LHPP: variants seen among roughly 807,000 people sequenced by gnomAD.
LHPP encodes hLHPP.
In LHPP, 24 loss-of-function variants were observed where a neutral mutation model predicts 30.3. The observed-to-expected ratio is 0.79, with a 90% CI of 0.57 to 1.11. The LOEUF is 1.11. Among genes scored for constraint, LHPP ranks in the 50% most tolerant of loss-of-function variants. The probability of loss-of-function intolerance (pLI) is 0.00; values close to 1 mark genes in which losing one functional copy is unlikely to be tolerated. For missense variants in LHPP, 356 were observed against 367.2 expected (o/e 0.97, Z 0.25); for synonymous variants, 150 against 157.1 (o/e 0.95, Z 0.34).
chr10:124,599,496 G>A (rs770005002), intron 6 of LHPP, among the ~76,000 whole-genome samples: 2 of 152,190 alleles, frequency 1.3e-5, no homozygotes, highest in Non-Finnish European at 2.9e-5. Flanking sequence ...TGCCAGTCCC[G>A]CCTCCAGGCT....
chr10:124,602,103 C>T (rs1949030857), intron 6 of LHPP, among the ~76,000 whole-genome samples: 1 of 152,232 alleles, frequency 6.6e-6, no homozygotes, highest in African/African-American at 2.4e-5. Context: ...ACCAGCCCAC[C>T]AGAGACACCC....
intron 6 of LHPP, among the ~76,000 whole-genome samples, chr10:124,560,039 G>C (rs1027449907): frequency 2.0e-5 from 3 of 152,248 alleles, no homozygotes; most frequent in Admixed American, 6.5e-5. Context: ...CTGGTTTGTA[G>C]CCTGTACCAG....
intron 6 of LHPP, among the ~76,000 whole-genome samples, chr10:124,559,284 T>G (rs1948353833): frequency 6.6e-6 from 1 of 152,270 alleles, no homozygotes. Flanking sequence ...TTAGGAATGT[T>G]TGCTGAGTTG....
intron 6 of LHPP, among the ~76,000 whole-genome samples, chr10:124,533,378 T>A (rs1257888787): frequency 6.6e-6 from 1 of 152,166 alleles, no homozygotes. Context: ...GGGGGTTGGA[T>A]GGACCATGTC....
chr10:124,595,478 G>A lies in LHPP; in HGVS notation c.717-17786G>A, dbSNP rs372251843. On this transcript the variant is annotated intron_variant, in intron 6 of 6. Transcript: ENST00000368842. ...TTGGCTGCCATAGAAGGCCATTCAC[G>A]TCCCTCACACCCTGGCCTGTGCTGC... Among the ~76,000 whole-genome samples the A allele has an allele frequency of 2.9e-3, 435 of 152,342 alleles. 3 individuals are homozygous for A. Among genetic ancestry groups the A allele is most frequent in the African/African-American group, 1.0e-2 (415 of 41,588 alleles).
intron 6 of LHPP, among the ~76,000 whole-genome samples, chr10:124,546,521 C>G (rs11245280): frequency 0.064 from 9,686 of 152,182 alleles, 407 homozygotes; most frequent in East Asian, 0.19. Context: ...TCCTGCCTCA[C>G]CCTCCCGAGT....
chr10:124,471,473 TA>T (rs1345370181), intron 1 of LHPP, among the ~76,000 whole-genome samples: 2 of 1,930 alleles, frequency 1.0e-3, no homozygotes, highest in South Asian at 5.3e-3. Flanking sequence ...ATTTATATAT[TA>T]TATATATTTA....
Position 124,510,074 on chromosome 10 carries a change from C to T in LHPP, c.625-7106C>T, listed in dbSNP as rs748580095. Among the ~76,000 whole-genome samples, 2 of 152,058 alleles carry T rather than the reference C, an allele frequency of 1.3e-5. No individual in the cohort carries two copies. The highest frequency in any genetic ancestry group is 2.9e-5 in the Non-Finnish European group (2 of 68,012). On this transcript the variant is annotated intron_variant, in intron 5 of 6. Transcript: ENST00000368842. The surrounding 1 kb of genome is among the most constrained non-coding windows in gnomAD (Gnocchi z 4.0). ...GGCGCCTCCATCCGGCTCTCTGGATCCTGGGTTCTGGGGGGTCCGACCTTT... is the reference window on the plus strand; with the variant it reads ...GGCGCCTCCATCCGGCTCTCTGGATTCTGGGTTCTGGGGGGTCCGACCTTT...
At chr10:124,603,176 C>T (rs1017770548) in intron 6 of LHPP, among the ~76,000 whole-genome samples, 3 of 152,204 alleles carry the variant, frequency 2.0e-5, no homozygotes, top group Admixed American at 2.0e-4. Flanking sequence ...TGCGCTCATG[C>T]CCAGCCTCTG....
At chr10:124,469,610 GCACA>G (rs1035748477) in intron 1 of LHPP, among the ~76,000 whole-genome samples, 2 of 151,918 alleles carry the variant, frequency 1.3e-5, no homozygotes, top group African/African-American at 4.8e-5. Context: ...AAAGATGCAT[GCACA>G]CACACACATT....
intron 6 of LHPP, among the ~76,000 whole-genome samples, chr10:124,550,770 G>A (rs931817124): frequency 6.6e-6 from 1 of 152,200 alleles, no homozygotes; most frequent in African/African-American, 2.4e-5. Context: ...CTGGGGGCAG[G>A]GAAGCCAGGG....
chr10:124,512,218 C>T (rs995235759), intron 5 of LHPP, among the ~76,000 whole-genome samples: 11 of 152,214 alleles, frequency 7.2e-5, no homozygotes, highest in Admixed American at 2.0e-4. Context: ...GCAAAGGTAT[C>T]AAGTAACCAG....
At chr10:124,502,486 TC>T (rs1953933440) in intron 5 of LHPP, among the ~76,000 whole-genome samples, 1 of 151,412 alleles carries the variant, frequency 6.6e-6, no homozygotes, top group Non-Finnish European at 1.5e-5. Flanking sequence ...TGCCTCAGCC[TC>T]CCAAGTAGCT....
intron 6 of LHPP, among the ~76,000 whole-genome samples, chr10:124,599,536 T>C (rs1488748630): frequency 6.6e-6 from 1 of 152,154 alleles, no homozygotes; most frequent in Non-Finnish European, 1.5e-5. Flanking sequence ...GGTTCCGTAC[T>C]CCCTGCCAGG....
rs117503245 is a variant in LHPP, at chr10:124,518,235, C to T, written c.716+964C>T. Among the ~76,000 whole-genome samples, 1,204 of 152,308 alleles carry T rather than the reference C, an allele frequency of 7.9e-3. 56 individuals are homozygous for T. The East Asian group carries it at 0.13, about 17-fold the overall frequency. The stretch of plus-strand genomic sequence containing the variant: ...CCAGACCCTCCCAGGCTTCCCCCGA[C>T]GTGTATGACATATGGGCCTTCTTTC... On this transcript the variant is annotated intron_variant, in intron 6 of 6. Coordinates refer to ENST00000368842, the MANE Select transcript of LHPP (RefSeq NM_022126.4).
chr10:124,480,397 T>C (rs1186822374), intron 1 of LHPP, among the ~76,000 whole-genome samples: 1 of 152,240 alleles, frequency 6.6e-6, no homozygotes, highest in Non-Finnish European at 1.5e-5. Flanking sequence ...AGTCCCAAAG[T>C]GAGTTCTGTG....
At chr10:124,569,962 C>T (rs1046972141) in intron 6 of LHPP, among the ~76,000 whole-genome samples, 3 of 152,164 alleles carry the variant, frequency 2.0e-5, no homozygotes, top group East Asian at 1.9e-4. Context: ...CCCAGTCAGA[C>T]CCCCCGACCC....
At chr10:124,581,970 G>A (rs1295964317) in intron 6 of LHPP, among the ~76,000 whole-genome samples, 1 of 152,040 alleles carries the variant, frequency 6.6e-6, no homozygotes, top group Admixed American at 6.5e-5. Flanking sequence ...TTTTAGTAGA[G>A]ATGGGGTTTC....
chr10:124,517,550 C>T lies in LHPP; in HGVS notation c.716+279C>T, dbSNP rs912732039. ...GCAAAGGCACTATCCATCCTGGCGG[C>T]GGCCCACCAGGGAGTTGGGCCGAAT... On this transcript the variant is annotated intron_variant, in intron 6 of 6. Coordinates refer to ENST00000368842, the MANE Select transcript of LHPP (RefSeq NM_022126.4). This position sits in a 1 kb window ranked among gnomAD's most constrained non-coding sequence, Gnocchi z 4.1. 2.0e-5 allele frequency among the ~76,000 whole-genome samples: 3 copies of T among 152,102 alleles called. No individual in the cohort carries two copies. The highest frequency in any genetic ancestry group is 1.3e-4 in the Admixed American group (2 of 15,276).
Sources: gnomAD v4.1 joint callset for allele counts (sites outside exome capture counted in the v4.1 genomes callset) on GRCh38, gnomAD v4.1.1 for gene constraint, Gnocchi (gnomAD v3.1) non-coding constraint, MANE v1.5 for transcripts, NCBI Gene and HGNC (gene_info 2026-07-23, HGNC 2026-07-21) for gene names.